The following DPY19L1 variants were observed in gnomAD, a reference collection of about 807,000 sequenced individuals.
DPY19L1 encodes the protein dpy-19 like C-mannosyltransferase 1.
A neutral mutation model predicts 96.9 loss-of-function variants in DPY19L1; 35 were observed. That is an observed-to-expected ratio of 0.36 (90% confidence interval 0.28 to 0.48). DPY19L1 has a LOEUF of 0.48. Ranked by LOEUF, DPY19L1 falls within the 20% of genes least tolerant of loss-of-function variation. DPY19L1 has a pLI of 0.99. For missense variants in DPY19L1, 521 were observed against 777.9 expected, an observed-to-expected ratio of 0.67 and a Z score of 3.93; for synonymous variants, 205 against 252.6, an observed-to-expected ratio of 0.81 and a Z score of 1.79.
intron 1 of DPY19L1, among the ~76,000 whole-genome samples, chr7:35,031,442 T>C (rs1358411614): frequency 6.6e-6 from 1 of 152,236 alleles, no homozygotes; most frequent in Non-Finnish European, 1.5e-5. Flanking sequence ...AGGGAGGTCC[T>C]TGAACCAATC....
rs568191235 is a variant in DPY19L1, at chr7:34,978,317, T to C, written c.823-4712A>G. ...TTAGGTTTAAAACAAATTACCCACC[T>C]CTGCCTGCTGCTTTTCTATACTGAT... On this transcript the variant is annotated intron_variant, in intron 7 of 21. Transcript: ENST00000638088. 2.0e-5 allele frequency among the ~76,000 whole-genome samples: 3 copies of C among 152,324 alleles called. No individual in the cohort carries two copies. In the South Asian group the frequency reaches 6.2e-4, roughly 32 times the overall value.
intron 20 of DPY19L1, among the ~76,000 whole-genome samples, chr7:34,938,747 T>TA (rs991863551): frequency 4.0e-5 from 6 of 151,726 alleles, no homozygotes; most frequent in Admixed American, 1.3e-4. Context: ...ATTAAATTTT[T>TA]AAAAAAAAAT....
intron 1 of DPY19L1, among the ~76,000 whole-genome samples, chr7:35,019,508 G>T (rs1314763024): frequency 2.7e-5 from 4 of 150,126 alleles, no homozygotes; most frequent in Admixed American, 2.0e-4. Context: ...GAAGGAAAAA[G>T]AAAGAAGAAG....
At chr7:34,991,471 G>C (rs1043432491) in intron 6 of DPY19L1, among the ~76,000 whole-genome samples, 3 of 152,198 alleles carry the variant, frequency 2.0e-5, no homozygotes, top group Non-Finnish European at 4.4e-5. Flanking sequence ...AGGCCAGGAA[G>C]TGGACGCCAG....
intron 6 of DPY19L1, among the ~76,000 whole-genome samples, chr7:35,002,173 A>C (rs946886086): frequency 6.6e-6 from 1 of 151,394 alleles, no homozygotes; most frequent in Non-Finnish European, 1.5e-5. Context: ...AAAAAAACCC[A>C]CACACACAAG....
intron 21 of DPY19L1, among the ~76,000 whole-genome samples, chr7:34,936,026 T>C (rs1290045806): frequency 6.6e-6 from 1 of 152,064 alleles, no homozygotes; most frequent in Non-Finnish European, 1.5e-5. Flanking sequence ...AGAGTCACTT[T>C]CGTAGCTTCC....
chr7:34,959,931 A>ATATTTATT (rs1784467172), intron 10 of DPY19L1, among the ~76,000 whole-genome samples: 1 of 81,398 alleles, frequency 1.2e-5, no homozygotes, highest in Non-Finnish European at 3.1e-5. Flanking sequence ...ATATTTATAT[A>ATATTTATT]TATATATATA....
At chr7:34,994,803 C>T (rs1326130627) in intron 6 of DPY19L1, among the ~76,000 whole-genome samples, 1 of 124,070 alleles carries the variant, frequency 8.1e-6, no homozygotes, top group Non-Finnish European at 1.7e-5. Flanking sequence ...GATTCCGTCT[C>T]AAAAAAAAAA....
At chr7:34,999,773 G>A (rs1172883549) in intron 6 of DPY19L1, among the ~76,000 whole-genome samples, 1 of 151,956 alleles carries the variant, frequency 6.6e-6, no homozygotes, top group Non-Finnish European at 1.5e-5. Context: ...AGAACACCAA[G>A]GAAAACAAAA....
chr7:34,957,942 T>G, intron 11 of DPY19L1, 42 bp downstream of exon 11: 13 of 1,322,138 alleles, frequency 9.8e-6, no homozygotes, highest in Non-Finnish European at 1.4e-5. Flanking sequence ...TGTTAAACCA[T>G]TAGTTTCAAA....
intron 6 of DPY19L1, among the ~76,000 whole-genome samples, chr7:35,007,609 G>A (rs7803775): frequency 0.31 from 30,246 of 97,970 alleles, 3,357 homozygotes; most frequent in Admixed American, 0.49. Flanking sequence ...GTGTGTGTGT[G>A]TATATATATA....
At chr7:35,027,774 G>T (rs189919917) in intron 1 of DPY19L1, among the ~76,000 whole-genome samples, 2 of 151,896 alleles carry the variant, frequency 1.3e-5, no homozygotes, top group Admixed American at 1.3e-4. Flanking sequence ...GGAGGCAGAG[G>T]TTGCAGTGAG....
chr7:34,999,548 C>A (rs548328597), intron 6 of DPY19L1, among the ~76,000 whole-genome samples: 105 of 152,284 alleles, frequency 6.9e-4, no homozygotes, highest in African/African-American at 2.4e-3. Flanking sequence ...AAGGGGAATT[C>A]TCAGGATGGT....
intron 16 of DPY19L1, among the ~76,000 whole-genome samples, chr7:34,942,952 A>C (rs1007877723): frequency 6.6e-6 from 1 of 152,212 alleles, no homozygotes; most frequent in African/African-American, 2.4e-5. Context: ...GAATGAAAAA[A>C]ACCTTTGAGA....
chr7:34,980,919 T>A (rs1467432211), intron 7 of DPY19L1, among the ~76,000 whole-genome samples: 3 of 152,170 alleles, frequency 2.0e-5, no homozygotes, highest in African/African-American at 7.2e-5. Context: ...GAGAAAGACT[T>A]CAGGCATAAG....
intron 21 of DPY19L1, among the ~76,000 whole-genome samples, chr7:34,932,030 G>A (rs192093091): frequency 6.6e-6 from 1 of 152,276 alleles, no homozygotes; most frequent in East Asian, 1.9e-4. Context: ...CAAGAATGTG[G>A]TTCTGGGCAG....
At chr7:35,012,138 C>A (rs563232624) in intron 4 of DPY19L1, among the ~76,000 whole-genome samples, 2 of 152,298 alleles carry the variant, frequency 1.3e-5, no homozygotes, top group African/African-American at 4.8e-5. Context: ...AGGTGACATC[C>A]CCTACCCACG....
intron 7 of DPY19L1, among the ~76,000 whole-genome samples, chr7:34,981,973 A>G (rs533798546): frequency 7.6e-4 from 115 of 152,238 alleles, no homozygotes; most frequent in South Asian, 2.3e-3. Flanking sequence ...ATAAAATAAA[A>G]TAGTCTTCTA....
In DPY19L1 at chr7:34,940,153, C is replaced by A; in HGVS notation, c.1864G>T (p.Asp622Tyr). 1 of 1,419,038 alleles carries A rather than the reference C, an allele frequency of 7.0e-7. No homozygotes were observed. The highest frequency in any genetic ancestry group is 1.6e-5 in the South Asian group (1 of 64,006). The allele number at this position is 1,419,038 out of a possible 1,614,324, so 87.9% of individuals were successfully genotyped here. A position where few individuals can be genotyped will look rare whatever the true frequency, so the allele number is the denominator to read the frequency against. Reference protein sequence around the residue: ...IEWIKYSTKPDAVFAGAMPTM... With the variant: ...IEWIKYSTKPYAVFAGAMPTM... Reference sequence around the variant, plus strand: ...TTTTTTTTCTTTTTTTTTTTTTTACCTGGTTTAGTACTATATTTGATCCAT... The same window carrying A: ...TTTTTTTTCTTTTTTTTTTTTTTACATGGTTTAGTACTATATTTGATCCAT... Residue 622 changes from aspartate (D) to tyrosine (Y), a missense_variant and splice_region_variant, in exon 19 of 22, where the codon GAT (aspartate) becomes TAT (tyrosine). Coordinates refer to ENST00000638088, the MANE Select transcript of DPY19L1 (RefSeq NM_001366673.1).
Sources: allele counts gnomAD v4.1 joint callset (sites outside exome capture counted in the v4.1 genomes callset), GRCh38; gene constraint gnomAD v4.1.1; transcripts MANE v1.5; gene names NCBI Gene and HGNC (gene_info 2026-07-23, HGNC 2026-07-21).